CACNA1A: variants seen among roughly 807,000 people sequenced by gnomAD.
CACNA1A encodes the protein voltage-dependent P/Q-type calcium channel subunit alpha-1A.
CACNA1A carries 57 observed loss-of-function variants against 262.4 expected under a neutral mutation model. The ratio of observed to expected loss-of-function variants is 0.22; its 90% CI spans 0.18 to 0.27. The LOEUF (loss-of-function observed/expected upper bound fraction) is 0.27. Among genes scored for constraint, CACNA1A ranks in the 10% least tolerant of loss-of-function variants. The pLI is 1.00. For synonymous variants in CACNA1A, 1,431 were observed against 1,419.3 expected (o/e 1.01, Z -0.18); for missense variants, 2,526 against 3,562.8 (o/e 0.71, Z 7.41).
At chr19:13,488,644 C>T (rs953858504) in intron 1 of CACNA1A, among the ~76,000 whole-genome samples, 1 of 151,934 alleles carries the variant, frequency 6.6e-6, no homozygotes, top group Non-Finnish European at 1.5e-5. Flanking sequence ...AGGTGATCCA[C>T]CCGCCTTGGC....
intron 22 of CACNA1A, among the ~76,000 whole-genome samples, chr19:13,283,015 G>A (rs897996250): frequency 3.3e-5 from 5 of 152,126 alleles, no homozygotes; most frequent in African/African-American, 1.2e-4. Context: ...AGAGAATCCA[G>A]CAATTTTCAG....
intron 19 of CACNA1A, among the ~76,000 whole-genome samples, chr19:13,294,819 CAG>C (rs775167342): frequency 6.6e-6 from 1 of 152,114 alleles, no homozygotes; most frequent in Non-Finnish European, 1.5e-5. Flanking sequence ...CTTTACTATA[CAG>C]AGAGTGCTGT....
rs183390966 is a variant in CACNA1A, at chr19:13,452,827, G to A, written c.539+49C>T. On this transcript the variant is annotated intron_variant, in intron 3 of 46. Transcript: ENST00000360228. ...CCGGACCACACCAACCAAAAGCCTC[G>A]TAATCCTTCAGCTAGTTAAATCCAA... is the stretch of plus-strand genomic sequence containing the variant. The A allele has an allele frequency of 3.6e-5, 57 of 1,572,198 alleles. No homozygotes were observed. The Middle Eastern group carries it at 8.6e-4, about 24-fold the overall frequency.
At chr19:13,386,636 A>G (rs1025176956) in intron 3 of CACNA1A, among the ~76,000 whole-genome samples, 2 of 152,018 alleles carry the variant, frequency 1.3e-5, no homozygotes, top group Non-Finnish European at 2.9e-5. Flanking sequence ...TAAAAAAAAT[A>G]CAAAAAATTA....
chr19:13,321,249 G>A (rs569617457), intron 10 of CACNA1A, among the ~76,000 whole-genome samples: 1 of 152,042 alleles, frequency 6.6e-6, no homozygotes, highest in South Asian at 2.1e-4. Context: ...GGTCAGGCTG[G>A]TCTCGAACTC....
intron 10 of CACNA1A, 26 bp from the exon 11 acceptor site, chr19:13,317,347 C>G (rs1345374109): frequency 2.6e-6 from 4 of 1,564,196 alleles, no homozygotes; most frequent in Admixed American, 3.4e-5. Context: ...TGGAGAATGT[C>G]AGGCTCAGGC....
In CACNA1A at chr19:13,488,160, G is replaced by C. The variant is rs1314597497; in HGVS notation, c.293+17772C>G. On this transcript the variant is annotated intron_variant, in intron 1 of 46. Coordinates refer to ENST00000360228, the MANE Select transcript of CACNA1A (RefSeq NM_001127222.2). ...GTGCCAGCAGGTCTCTAGTTTTAGA[G>C]AGAAGGGAGCTTGTGGTTCAGAGAG... 2.6e-5 allele frequency among the ~76,000 whole-genome samples: 4 copies of C among 152,092 alleles called. No homozygotes were observed. In the South Asian group the frequency reaches 8.3e-4, roughly 32 times the overall value.
Position 13,298,528 on chromosome 19 carries a change from G to A in CACNA1A, c.3089+16C>T, listed in dbSNP as rs897924558. On this transcript the variant is annotated intron_variant, in intron 19 of 46. Transcript: ENST00000360228. ...TGTTACCGTCATTCTGCGGATTCGA[G>A]GTCACCTCCACTTACTTCCTCCTCC... 5 of 1,535,788 alleles carry A rather than the reference G, an allele frequency of 3.3e-6. No individual in the cohort carries two copies. In the African/African-American group the frequency reaches 5.6e-5, roughly 17 times the overall value.
intron 24 of CACNA1A, chr19:13,274,708 G>C (rs2057105236): frequency 6.6e-6 from 1 of 152,236 alleles, no homozygotes; most frequent in African/African-American, 2.4e-5. Flanking sequence ...CCCAGAACTT[G>C]GGGGCCATTT....
chr19:13,227,478 G>T lies in CACNA1A; in HGVS notation c.5578C>A (p.Pro1860Thr). 6.2e-7 allele frequency: 1 copy of T among 1,610,026 alleles called. No individual in the cohort carries two copies. The highest frequency in any genetic ancestry group is 8.5e-7 in the Non-Finnish European group (1 of 1,177,356). ...DMYQMLRHMSPPLGLGKKCPA... is the reference protein window; with the variant it reads ...DMYQMLRHMSTPLGLGKKCPA... ...CACTTCTTCCCCAGACCCAGGGGCG[G>T]AGACATGTGTCTCAGCATCTGATAC... Residue 1860 changes from proline (P) to threonine (T), a missense_variant, in exon 37 of 47, where the codon CCG becomes ACG. This residue lies in a region of CACNA1A where 112 missense variants were observed against 197.2 expected (regional missense o/e 0.57). Transcript: ENST00000360228.
At chr19:13,296,161 C>T (rs796501127) in intron 19 of CACNA1A, among the ~76,000 whole-genome samples, 17 of 152,314 alleles carry the variant, frequency 1.1e-4, no homozygotes, top group African/African-American at 3.6e-4. Flanking sequence ...TCTGGGAGCT[C>T]GTTGCAAATG....
intron 28 of CACNA1A, 144 bp from the exon 29 acceptor site, chr19:13,255,403 GCT>G (rs2056519520): frequency 5.6e-6 from 4 of 711,930 alleles, no homozygotes; most frequent in Admixed American, 3.1e-5. Context: ...GGATTCCTGG[GCT>G]CTCTCTTCCT....
intron 24 of CACNA1A, among the ~76,000 whole-genome samples, chr19:13,265,114 A>G (rs188156188): frequency 6.6e-6 from 1 of 152,064 alleles, no homozygotes; most frequent in Non-Finnish European, 1.5e-5. Context: ...ACCTCAAGTA[A>G]TCCACTGGCC....
intron 43 of CACNA1A, chr19:13,211,495 C>T (rs1256484089): frequency 6.5e-6 from 1 of 153,424 alleles, no homozygotes; most frequent in African/African-American, 2.4e-5. Context: ...CCCACAGAGA[C>T]CAGACAGAAA....
intron 3 of CACNA1A, among the ~76,000 whole-genome samples, chr19:13,376,074 T>C (rs1379135009): frequency 6.6e-6 from 1 of 152,150 alleles, no homozygotes; most frequent in Non-Finnish European, 1.5e-5. Flanking sequence ...AGCTAGAAGA[T>C]CTTGGTTCAT....
intron 6 of CACNA1A, among the ~76,000 whole-genome samples, chr19:13,343,616 A>G (rs946267162): frequency 2.6e-5 from 4 of 152,180 alleles, no homozygotes; most frequent in African/African-American, 9.7e-5. Flanking sequence ...AAATACTGGA[A>G]TTCTGTCAAG....
intron 6 of CACNA1A, among the ~76,000 whole-genome samples, chr19:13,347,004 A>G (rs1356463745): frequency 6.7e-6 from 1 of 150,020 alleles, no homozygotes; most frequent in Non-Finnish European, 1.5e-5. Flanking sequence ...TTTTTTGGAT[A>G]CATGTGATAC....
intron 1 of CACNA1A, among the ~76,000 whole-genome samples, chr19:13,473,749 C>T (rs1354612637): frequency 1.6e-5 from 1 of 60,892 alleles, no homozygotes; most frequent in East Asian, 3.1e-4. Flanking sequence ...TGGCAGGCTC[C>T]CCCCCACCCC....
Position 13,286,541 on chromosome 19 carries a change from G to C in CACNA1A, c.3515C>G (p.Pro1172Arg), listed in dbSNP as rs16028. 7.8e-6 allele frequency: 12 copies of C among 1,528,768 alleles called. No homozygotes were observed. The highest frequency in any genetic ancestry group is 1.1e-5 in the Non-Finnish European group (12 of 1,139,318). 94.7% of individuals were successfully genotyped at this position (1,528,768 alleles called of 1,614,324 possible). A position where few individuals can be genotyped will look rare whatever the true frequency, so the allele number is the denominator to read the frequency against. ...GTGGTTGAGGGGGGGTGGGCAGGCT[G>C]GGGGGATGTCCACTGTGGTGTGGTC... ...KPDHTTVDIP[P>R]ACPPPLNHTV... is the part of the protein sequence containing the mutation. Residue 1172 changes from proline to arginine, a missense_variant, in exon 20 of 47, where the codon CCA (proline) becomes CGA (arginine). This residue lies in a region of CACNA1A where 765 missense variants were observed against 748.6 expected (regional missense o/e 1.02). Coordinates refer to ENST00000360228, the MANE Select transcript of CACNA1A (RefSeq NM_001127222.2).
Sources: allele counts gnomAD v4.1 joint callset (sites outside exome capture counted in the v4.1 genomes callset), GRCh38; gene constraint gnomAD v4.1.1; regional missense constraint gnomAD v4.1.1; transcripts MANE v1.5; gene names NCBI Gene and HGNC (gene_info 2026-07-23, HGNC 2026-07-21).